Variants in N4BP2 observed in about 807,000 individuals in gnomAD.
N4BP2 encodes the protein NEDD4-binding protein 2.
Under a neutral mutation model 152.8 loss-of-function variants are expected in N4BP2, and 91 were observed. That is an observed-to-expected ratio of 0.60 (90% CI 0.50 to 0.71). The LOEUF (loss-of-function observed/expected upper bound fraction) is 0.71. N4BP2 is among the 30% of genes least tolerant of loss of function. The pLI is 0.00. For missense variants in N4BP2, 1,923 were observed against 2,059.1 expected (o/e 0.93, Z 1.28); for synonymous variants, 646 against 705.3 (o/e 0.92, Z 1.33).
rs559569139 is a variant in N4BP2 at position 40,127,704 on chromosome 4, A to C, written c.4527+1374A>C. 1.1e-4 allele frequency among the ~76,000 whole-genome samples: 16 copies of C among 152,270 alleles called. No homozygotes were observed. The East Asian group carries it at 2.3e-3, about 22-fold the overall frequency. On this transcript the variant is annotated intron_variant, in intron 12 of 17. Transcript: ENST00000261435. The stretch of plus-strand genomic sequence containing the variant: ...GAGATGGAGTCTCGCTCTGTCGCCC[A>C]GGCTGGAGTGCAGTGGTGCGATCTT...
At position 40,124,212 on chromosome 4, in the gene N4BP2, C is replaced by G; in HGVS notation, c.4330+7C>G. The G allele has an allele frequency of 6.3e-7, 1 of 1,595,876 alleles. No homozygotes were observed. Among genetic ancestry groups the G allele is most frequent in the South Asian group, 1.1e-5 (1 of 88,808 alleles). On this transcript the variant is annotated splice_region_variant and intron_variant, in intron 11 of 17. Transcript: ENST00000261435. The stretch of plus-strand genomic sequence containing the variant: ...TGTGGCAAGTTTATGCAAGGTAAAG[C>G]ACATGTTTTTATTTCTAATGTCTTA...
rs1011668228 is a variant in N4BP2 at position 40,156,327 on chromosome 4, C to T, written c.*2090C>T. On this transcript the variant is annotated 3_prime_UTR_variant, in exon 18 of 18. Transcript: ENST00000261435. Reference sequence around the variant, plus strand: ...AGTCAGAAGTAGAGGTGTGGTATTCCGTGGGCAGAAGTCAAATGAAAAAAG... The same window carrying T: ...AGTCAGAAGTAGAGGTGTGGTATTCTGTGGGCAGAAGTCAAATGAAAAAAG... 2.6e-5 allele frequency: 4 copies of T among 151,922 alleles called. No individual in the cohort carries two copies. The highest frequency in any genetic ancestry group is 1.9e-4 in the East Asian group (1 of 5,192). 9.4% of individuals were successfully genotyped at this position (151,922 alleles called of 1,614,324 possible).
rs1396325978 is a variant in N4BP2, at chr4:40,103,041, C to T, written c.1196C>T (p.Pro399Leu). ...AGATCTGTCAACTACACATTTCCAC[C>T]CTCAGTTATTTCTCACACTTCCCCA... ...HWRSVNYTFPPSVISHTSPTK... is the reference protein window; with the variant it reads ...HWRSVNYTFPLSVISHTSPTK... The change falls in exon 4 of 18, where the codon CCC becomes CTC. Residue 399 changes from proline (P) to leucine (L), a missense_variant. Physicochemically the swap from Pro to Leu is moderately conservative, Grantham distance 98. Coordinates refer to ENST00000261435, the MANE Select transcript of N4BP2 (RefSeq NM_018177.6). 2 of 1,614,162 alleles carry T rather than the reference C, an allele frequency of 1.2e-6. No homozygotes were observed. The highest frequency in any genetic ancestry group is 1.1e-5 in the South Asian group (1 of 91,074).
At chr4:40,189,599 A>T in the N4BP2 span, among the ~76,000 whole-genome samples, 3 of 152,144 alleles carry the variant, frequency 2.0e-5, no homozygotes, top group Non-Finnish European at 2.9e-5. The surrounding 1 kb of genome is among the most constrained non-coding windows in gnomAD (Gnocchi z 4.3). Flanking sequence ...AAGACCATTG[A>T]ACATTATGGC....
At chr4:40,098,685 A>G (rs186685952) in intron 3 of N4BP2, among the ~76,000 whole-genome samples, 144 of 152,336 alleles carry the variant, frequency 9.5e-4, no homozygotes, top group African/African-American at 3.3e-3. Context: ...AAATGACAGT[A>G]TATTGAGTTT....
At position 40,135,893 on chromosome 4, in the gene N4BP2, GTA is replaced by G. The variant is rs370874694; in HGVS notation, c.4647-1047_4647-1046del. The stretch of plus-strand genomic sequence containing the variant: ...GTTAACCAGATTTCAAAAAATATTC[GTA>G]TATGGTCAGTTCCTCAGTATCTGGC... On this transcript the variant is annotated intron_variant, in intron 13 of 17. Transcript: ENST00000261435. Among the ~76,000 whole-genome samples the G allele has an allele frequency of 3.3e-5, 5 of 152,286 alleles. No homozygotes were observed. In the South Asian group the frequency reaches 8.3e-4, roughly 25 times the overall value.
intron 12 of N4BP2, among the ~76,000 whole-genome samples, chr4:40,130,962 A>G (rs1718852818): frequency 6.6e-6 from 1 of 152,216 alleles, no homozygotes; most frequent in Non-Finnish European, 1.5e-5. Context: ...AGTTTAGAGC[A>G]GATCCAAATA....
At chr4:40,175,942 T>G in the N4BP2 span, among the ~76,000 whole-genome samples, 1 of 151,304 alleles carries the variant, frequency 6.6e-6, no homozygotes, top group Non-Finnish European at 1.5e-5. Context: ...TACAAAAAAT[T>G]AGCCGGGCGC....
the N4BP2 span, among the ~76,000 whole-genome samples, chr4:40,179,860 G>A: frequency 6.7e-6 from 1 of 150,156 alleles, no homozygotes; most frequent in Admixed American, 6.7e-5. Context: ...CACCTCCTGG[G>A]TTCAAGCCAT....
At position 40,099,561 on chromosome 4, in the gene N4BP2, A is replaced by AT. The variant is rs568082065; in HGVS notation, c.229+1996dup. On this transcript the variant is annotated intron_variant, in intron 3 of 17. Transcript: ENST00000261435. ...CACTGCACCCGGCCCATGTTTTAAGATTTTAATAGGAATAAAATTGCATTT... is the reference window on the plus strand; with the variant it reads ...CACTGCACCCGGCCCATGTTTTAAGATTTTTAATAGGAATAAAATTGCATTT... Among the ~76,000 whole-genome samples, 896 of 152,096 alleles carry AT rather than the reference A, an allele frequency of 5.9e-3. 9 individuals are homozygous for AT. The highest frequency in any genetic ancestry group is 0.021 in the African/African-American group (853 of 41,496).
At chr4:40,081,512 G>A (rs1357049286) in intron 2 of N4BP2, among the ~76,000 whole-genome samples, 1 of 152,092 alleles carries the variant, frequency 6.6e-6, no homozygotes, top group African/African-American at 2.4e-5. Context: ...GGGGTGTGGT[G>A]CCGCATGCCT....
At chr4:40,067,839 C>T (rs778725813) in intron 1 of N4BP2, among the ~76,000 whole-genome samples, 2 of 152,096 alleles carry the variant, frequency 1.3e-5, no homozygotes, top group African/African-American at 2.4e-5. Context: ...GCTGAGACTA[C>T]AGGCTAATTC....
In N4BP2 at chr4:40,120,400, GA is replaced by G; in HGVS notation, c.2295del (p.Ala766ProfsTer62). On this transcript the variant is annotated frameshift_variant, in exon 9 of 18. Coordinates refer to ENST00000261435, the MANE Select transcript of N4BP2 (RefSeq NM_018177.6). LOFTEE classifies it high-confidence loss of function. ...TAGTGGAAGAAAGAGCAACAGTAAC[GA>G]AAAAAGCCTTTGGGAAACAAAAAAG... ...EIVEERATVT[K>X]KAFGKQKSKS... The G allele has an allele frequency of 1.2e-6, 2 of 1,613,642 alleles. No individual in the cohort carries two copies. The highest frequency in any genetic ancestry group is 1.7e-6 in the Non-Finnish European group (2 of 1,179,944).
the N4BP2 span, among the ~76,000 whole-genome samples, chr4:40,180,370 TA>T: frequency 6.6e-6 from 1 of 152,096 alleles, no homozygotes. Flanking sequence ...ACTAGAAAAC[TA>T]AAAAAATTTC....
At chr4:40,092,322 C>A (rs1003093067) in intron 2 of N4BP2, among the ~76,000 whole-genome samples, 21 of 149,722 alleles carry the variant, frequency 1.4e-4, no homozygotes, top group Non-Finnish European at 2.2e-4. Flanking sequence ...AATTAAATTT[C>A]TTTATAAATT....
At chr4:40,106,082 A>T (rs1430802393) in intron 4 of N4BP2, among the ~76,000 whole-genome samples, 1 of 152,174 alleles carries the variant, frequency 6.6e-6, no homozygotes, top group African/African-American at 2.4e-5. Flanking sequence ...ACAGAAAGGG[A>T]CATATATTTT....
chr4:40,161,598 T>G (rs1220487665), downstream of N4BP2, among the ~76,000 whole-genome samples: 1 of 152,074 alleles, frequency 6.6e-6, no homozygotes. Context: ...TTTAAAAGGA[T>G]CTCTATTTTT....
At chr4:40,057,248 A>G (rs1733256056) in intron 1 of N4BP2, 1 of 152,148 alleles carries the variant, frequency 6.6e-6, no homozygotes, top group African/African-American at 2.4e-5. Flanking sequence ...GGCGTCGGCG[A>G]GAGGCGGGCC....
intron 7 of N4BP2, among the ~76,000 whole-genome samples, chr4:40,113,958 CCTGAA>C (rs1288951017): frequency 6.6e-6 from 1 of 152,094 alleles, no homozygotes; most frequent in Admixed American, 6.5e-5. Context: ...ATTTGGCACA[CCTGAA>C]CTATGTGCTA....
Sources: gnomAD v4.1 joint callset for allele counts (sites outside exome capture counted in the v4.1 genomes callset) on GRCh38, gnomAD v4.1.1 for gene constraint, Gnocchi (gnomAD v3.1) non-coding constraint, MANE v1.5 for transcripts, NCBI Gene and HGNC (gene_info 2026-07-23, HGNC 2026-07-21) for gene names.